SMYD3: variants seen among roughly 807,000 people sequenced by gnomAD.
The protein encoded by SMYD3 is SET and MYND domain containing 3.
In SMYD3, 36 loss-of-function variants were observed where a neutral mutation model predicts 57.7. That is an observed-to-expected ratio of 0.62 (90% CI 0.48 to 0.82). The LOEUF (loss-of-function observed/expected upper bound fraction) is 0.82, where lower values mean the gene tolerates loss of function less well. Among genes scored for constraint, SMYD3 ranks in the 40% least tolerant of loss-of-function variants. The pLI is 0.00. For missense variants in SMYD3, 515 were observed against 538.8 expected (o/e 0.96, Z 0.44); for synonymous variants, 211 against 195.0 (o/e 1.08, Z -0.68).
chr1:246,138,005 A>C (rs992788735), intron 5 of SMYD3, among the ~76,000 whole-genome samples: 10 of 152,322 alleles, frequency 6.6e-5, no homozygotes, highest in African/African-American at 2.4e-4. Context: ...ACACACAAAC[A>C]CATAATTTTT....
intron 1 of SMYD3, among the ~76,000 whole-genome samples, chr1:246,497,672 G>A (rs1344211666): frequency 6.6e-6 from 1 of 151,834 alleles, no homozygotes; most frequent in East Asian, 1.9e-4. Context: ...CAGCCTCCTA[G>A]GGAGATCTCA....
intron 2 of SMYD3, among the ~76,000 whole-genome samples, chr1:246,345,941 G>A (rs1420660552): frequency 6.6e-6 from 1 of 152,108 alleles, no homozygotes; most frequent in Non-Finnish European, 1.5e-5. Flanking sequence ...ACCTATGAAT[G>A]CCACAGTCCA....
chr1:246,108,812 T>G (rs1365185980), intron 5 of SMYD3: 1 of 152,276 alleles, frequency 6.6e-6, no homozygotes, highest in African/African-American at 2.4e-5. Flanking sequence ...ACAACCACAC[T>G]AAACTCAGTA....
chr1:246,325,776 C>A (rs2065339834), intron 5 of SMYD3: 2 of 152,102 alleles, frequency 1.3e-5, no homozygotes, highest in African/African-American at 4.8e-5. Flanking sequence ...ATAATTACCA[C>A]AGAATAGCCA....
intron 5 of SMYD3, among the ~76,000 whole-genome samples, chr1:246,160,009 G>A (rs1366006861): frequency 6.6e-6 from 1 of 152,132 alleles, no homozygotes; most frequent in African/African-American, 2.4e-5. Context: ...AACTCAGTAG[G>A]TTAAGTTGAC....
At chr1:246,071,717 T>C (rs903662023) in intron 5 of SMYD3, among the ~76,000 whole-genome samples, 5 of 152,020 alleles carry the variant, frequency 3.3e-5, no homozygotes, top group African/African-American at 1.2e-4. Context: ...AATGCTGCAA[T>C]CCTGAAAGCC....
chr1:245,814,919 G>A (rs2048717209), intron 10 of SMYD3, among the ~76,000 whole-genome samples: 2 of 151,710 alleles, frequency 1.3e-5, no homozygotes, highest in Admixed American at 6.6e-5. Context: ...CTTCACTGAA[G>A]GCTCCCAAGA....
intron 1 of SMYD3, among the ~76,000 whole-genome samples, chr1:246,378,750 A>T (rs1572439600): frequency 1.2e-5 from 1 of 81,660 alleles, no homozygotes; most frequent in Non-Finnish European, 2.3e-5. Flanking sequence ...AATTATATAT[A>T]ATATATTTAA....
chr1:246,439,719 G>A (rs2067434643), intron 1 of SMYD3, among the ~76,000 whole-genome samples: 1 of 152,074 alleles, frequency 6.6e-6, no homozygotes, highest in Admixed American at 6.5e-5. Context: ...AGGCGGGGGT[G>A]GGCGGATTAC....
intron 1 of SMYD3, among the ~76,000 whole-genome samples, chr1:246,436,117 C>T (rs989808939): frequency 6.6e-6 from 1 of 151,512 alleles, no homozygotes; most frequent in Non-Finnish European, 1.5e-5. Flanking sequence ...ATTTCCTTCA[C>T]CCACTTGAGA....
intron 1 of SMYD3, among the ~76,000 whole-genome samples, chr1:246,474,301 T>C (rs934231286): frequency 4.6e-5 from 7 of 152,058 alleles, no homozygotes; most frequent in Non-Finnish European, 2.9e-5. Context: ...GGGTGGATCA[T>C]GAGATCAGGA....
chr1:246,318,783 C>T (rs1165293900), intron 5 of SMYD3, among the ~76,000 whole-genome samples: 1 of 152,210 alleles, frequency 6.6e-6, no homozygotes, highest in African/African-American at 2.4e-5. Flanking sequence ...ATTAGCCTTA[C>T]ATAAGCAATT....
chr1:246,042,330 GA>G (rs913163850), intron 5 of SMYD3, among the ~76,000 whole-genome samples: 5 of 152,018 alleles, frequency 3.3e-5, no homozygotes, highest in African/African-American at 9.7e-5. Context: ...AATATGACAG[GA>G]AAAAAACTGT....
At chr1:245,893,707 C>T (rs756271390) in intron 8 of SMYD3, among the ~76,000 whole-genome samples, 145 of 151,918 alleles carry the variant, frequency 9.5e-4, no homozygotes, top group Non-Finnish European at 1.3e-3. Flanking sequence ...ATGGATACAA[C>T]GCAGTACGAA....
intron 1 of SMYD3, among the ~76,000 whole-genome samples, chr1:246,463,006 T>C (rs2067825933): frequency 6.6e-6 from 1 of 151,764 alleles, no homozygotes; most frequent in Non-Finnish European, 1.5e-5. Flanking sequence ...CAAGAAAAAC[T>C]TGGTGATATA....
intron 5 of SMYD3, among the ~76,000 whole-genome samples, chr1:246,005,869 C>T (rs907328278): frequency 6.6e-6 from 1 of 152,168 alleles, no homozygotes; most frequent in South Asian, 2.1e-4. Flanking sequence ...AACCAGCACA[C>T]ATATGGAGCC....
intron 1 of SMYD3, among the ~76,000 whole-genome samples, chr1:246,501,435 C>T (rs1357683377): frequency 6.6e-6 from 1 of 152,220 alleles, no homozygotes; most frequent in Non-Finnish European, 1.5e-5. Context: ...CCTACCTTGG[C>T]CACATTCTGC....
chr1:246,204,491 C>T (rs888029945), intron 5 of SMYD3, among the ~76,000 whole-genome samples: 14 of 152,278 alleles, frequency 9.2e-5, no homozygotes, highest in Non-Finnish European at 1.9e-4. Flanking sequence ...AATAAATTGG[C>T]TTAACTCTTT....
intron 1 of SMYD3, among the ~76,000 whole-genome samples, chr1:246,466,599 A>G (rs1441004806): frequency 6.6e-6 from 1 of 152,248 alleles, no homozygotes; most frequent in Non-Finnish European, 1.5e-5. Context: ...TGTGGATGAC[A>G]AAATAATCTA....
Sources: gnomAD v4.1 joint callset for allele counts (sites outside exome capture counted in the v4.1 genomes callset) on GRCh38, gnomAD v4.1.1 for gene constraint, MANE v1.5 for transcripts, NCBI Gene and HGNC (gene_info 2026-07-23, HGNC 2026-07-21) for gene names.